Variants in ANTXR2 observed in about 807,000 individuals in gnomAD.
ANTXR2 encodes ANTXR cell adhesion molecule 2.
Under a neutral mutation model 73.7 loss-of-function variants are expected in ANTXR2, and 44 were observed. That is an observed-to-expected ratio of 0.60 (90% confidence interval 0.47 to 0.77). ANTXR2 has a LOEUF of 0.77. ANTXR2 is among the 30% of genes least tolerant of loss of function. The pLI, the probability that ANTXR2 is intolerant of heterozygous loss-of-function variation, is 0.00. For missense variants in ANTXR2, 604 were observed against 592.5 expected, an observed-to-expected ratio of 1.02 and a Z score of -0.20; for synonymous variants, 217 against 205.9, an observed-to-expected ratio of 1.05 and a Z score of -0.46.
intron 2 of ANTXR2, among the ~76,000 whole-genome samples, chr4:80,070,128 T>G (rs1734720946): frequency 6.6e-6 from 1 of 152,248 alleles, no homozygotes; most frequent in South Asian, 2.1e-4. Flanking sequence ...GAACGGTTCT[T>G]GCTTCTCGGA....
At chr4:80,032,244 A>G (rs1272904626) in intron 9 of ANTXR2, among the ~76,000 whole-genome samples, 1 of 152,002 alleles carries the variant, frequency 6.6e-6, no homozygotes. Context: ...TCTAGAATCT[A>G]AAAGAGGAAA....
intron 16 of ANTXR2, among the ~76,000 whole-genome samples, chr4:79,954,724 A>G (rs1027286743): frequency 5.9e-5 from 9 of 152,220 alleles, no homozygotes; most frequent in Non-Finnish European, 1.0e-4. Context: ...TCATATAAGA[A>G]TAAAATCATG....
intron 16 of ANTXR2, among the ~76,000 whole-genome samples, chr4:79,958,948 AT>A (rs1439908777): frequency 1.3e-5 from 2 of 152,128 alleles, no homozygotes; most frequent in Non-Finnish European, 2.9e-5. Context: ...AAAATATATG[AT>A]TTGGCTAGGA....
chr4:79,997,596 A>G (rs896721342), intron 12 of ANTXR2, among the ~76,000 whole-genome samples: 3 of 151,968 alleles, frequency 2.0e-5, no homozygotes, highest in African/African-American at 4.8e-5. Context: ...CTAGCCTTCA[A>G]CATCCTGACC....
intron 16 of ANTXR2, among the ~76,000 whole-genome samples, chr4:79,966,106 G>A (rs1332904632): frequency 7.1e-6 from 1 of 140,258 alleles, no homozygotes; most frequent in Non-Finnish European, 1.5e-5. Context: ...CTCATTCAAT[G>A]AATGATTATG....
At chr4:80,043,122 T>C (rs1733353345) in intron 7 of ANTXR2, among the ~76,000 whole-genome samples, 1 of 152,014 alleles carries the variant, frequency 6.6e-6, no homozygotes, top group Non-Finnish European at 1.5e-5. Context: ...TGTGTCTTAT[T>C]CCATACTAAA....
intron 16 of ANTXR2, among the ~76,000 whole-genome samples, chr4:79,974,461 C>T (rs902788191): frequency 6.6e-6 from 1 of 151,920 alleles, no homozygotes; most frequent in Non-Finnish European, 1.5e-5. Context: ...TTTAGTTAAC[C>T]TCACATAATA....
chr4:80,030,706 A>C (rs139743702), intron 10 of ANTXR2, among the ~76,000 whole-genome samples: 56 of 152,220 alleles, frequency 3.7e-4, no homozygotes, highest in African/African-American at 1.3e-3. Context: ...TGTTCAAGTC[A>C]GCTTAAAAAT....
At chr4:80,017,530 A>T (rs548277276) in intron 11 of ANTXR2, among the ~76,000 whole-genome samples, 39 of 66,792 alleles carry the variant, frequency 5.8e-4, no homozygotes, top group African/African-American at 1.7e-3. Flanking sequence ...GTCTTCCTTA[A>T]AGCACCAACC....
At chr4:79,986,851 C>T (rs1012734652) in intron 12 of ANTXR2, among the ~76,000 whole-genome samples, 4 of 152,184 alleles carry the variant, frequency 2.6e-5, no homozygotes, top group African/African-American at 7.2e-5. Flanking sequence ...TCCCAGTCCC[C>T]AAGGCATTAG....
In ANTXR2 at chr4:80,055,135, T is replaced by C. The variant is rs1733933555; in HGVS notation, c.555+15A>G. 1.3e-6 allele frequency: 2 copies of C among 1,547,982 alleles called. No individual in the cohort carries two copies. Among genetic ancestry groups the C allele is most frequent in the Admixed American group, 2.0e-5 (1 of 51,176 alleles). On this transcript the variant is annotated intron_variant, in intron 6 of 16. Coordinates refer to ENST00000403729, the MANE Select transcript of ANTXR2 (RefSeq NM_058172.6). ...TGTGGTTCAGATTAAAGTTTGCAGA[T>C]CTCTTGTAACTTACCTGTGCTTGTT...
At chr4:80,066,032 A>C (rs2110120493) in intron 3 of ANTXR2, among the ~76,000 whole-genome samples, 1 of 152,328 alleles carries the variant, frequency 6.6e-6, no homozygotes, top group East Asian at 1.9e-4. Context: ...ATAATATGCA[A>C]ATTGTTTCTT....
At chr4:79,959,869 C>T (rs1013335489) in intron 16 of ANTXR2, among the ~76,000 whole-genome samples, 4 of 152,142 alleles carry the variant, frequency 2.6e-5, no homozygotes, top group South Asian at 2.1e-4. Context: ...TGATGTCTAA[C>T]GACGTCTCTA....
intron 11 of ANTXR2, among the ~76,000 whole-genome samples, chr4:80,018,576 C>T (rs1731993141): frequency 6.6e-6 from 1 of 152,046 alleles, no homozygotes; most frequent in South Asian, 2.1e-4. Context: ...AACATAATTT[C>T]TATATTTAAT....
rs200885691 is a variant in ANTXR2, at chr4:79,927,063, A to G, written c.1429-19596T>C. Among the ~76,000 whole-genome samples the G allele has an allele frequency of 2.5e-3, 198 of 77,822 alleles. 2 individuals are homozygous for G. Among genetic ancestry groups the G allele is most frequent in the Admixed American group, 3.7e-3 (23 of 6,196 alleles). 51.1% of individuals were successfully genotyped at this position (77,822 alleles called of 152,430 possible). On this transcript the variant is annotated intron_variant, in intron 16 of 16. Transcript: ENST00000403729. Reference sequence around the variant, plus strand: ...TATATATATGTGCGTGTGTGTGTGTATATATATATATATATGAATATTATT... The same window carrying G: ...TATATATATGTGCGTGTGTGTGTGTGTATATATATATATATGAATATTATT...
chr4:80,000,254 A>G (rs1730965736), intron 12 of ANTXR2, among the ~76,000 whole-genome samples: 1 of 152,028 alleles, frequency 6.6e-6, no homozygotes, highest in Non-Finnish European at 1.5e-5. Flanking sequence ...CCCATTGTAT[A>G]TATATTATGA....
At chr4:79,923,512 T>G (rs186713371) in intron 16 of ANTXR2, among the ~76,000 whole-genome samples, 1 of 152,188 alleles carries the variant, frequency 6.6e-6, no homozygotes, top group African/African-American at 2.4e-5. Context: ...GGAGAGGAGC[T>G]GACCTTGGTG....
intron 9 of ANTXR2, among the ~76,000 whole-genome samples, chr4:80,032,590 A>T (rs1355862706): frequency 6.6e-6 from 1 of 151,862 alleles, no homozygotes; most frequent in Non-Finnish European, 1.5e-5. Flanking sequence ...TGTATGGCCA[A>T]AGCTGTGTTA....
At chr4:79,951,344 C>G (rs1728692812) in intron 16 of ANTXR2, among the ~76,000 whole-genome samples, 1 of 152,056 alleles carries the variant, frequency 6.6e-6, no homozygotes, top group Admixed American at 6.6e-5. Flanking sequence ...CTTTGGGAGG[C>G]TGAGGGAAGG....
Sources: gnomAD v4.1 joint callset for allele counts (sites outside exome capture counted in the v4.1 genomes callset) on GRCh38, gnomAD v4.1.1 for gene constraint, MANE v1.5 for transcripts, NCBI Gene and HGNC (gene_info 2026-07-23, HGNC 2026-07-21) for gene names.